The following LPGAT1 variants were observed in gnomAD, a reference collection of about 807,000 sequenced individuals.
LPGAT1 encodes acyl-CoA:lysophosphatidylglycerol acyltransferase 1.
Under a neutral mutation model 47.5 loss-of-function variants are expected in LPGAT1, and 11 were observed. That is an observed-to-expected ratio of 0.23 (90% CI 0.15 to 0.38). The LOEUF (loss-of-function observed/expected upper bound fraction) is 0.38, where lower values mean the gene tolerates loss of function less well. Ranked by LOEUF, LPGAT1 falls within the 10% of genes least tolerant of loss-of-function variation. The pLI, the probability that LPGAT1 is intolerant of heterozygous loss-of-function variation, is 1.00. For missense variants in LPGAT1, 293 were observed against 439.0 expected (o/e 0.67, Z 2.97); for synonymous variants, 138 against 144.2 (o/e 0.96, Z 0.31).
chr1:211,810,477 T>G lies in LPGAT1; in HGVS notation c.239-17287A>C, dbSNP rs529460264. Reference sequence around the variant, plus strand: ...CTGGAATCTTGAATATGCTGTTCCCTGTCATATTCAGCTCTCATGCCCATC... The same window carrying G: ...CTGGAATCTTGAATATGCTGTTCCCGGTCATATTCAGCTCTCATGCCCATC... On this transcript the variant is annotated intron_variant, in intron 2 of 7. Transcript: ENST00000366997. Among the ~76,000 whole-genome samples the G allele has an allele frequency of 1.8e-4, 28 of 152,324 alleles. No individual in the cohort carries two copies. In the South Asian group the frequency reaches 5.6e-3, roughly 30 times the overall value.
chr1:211,785,478 C>T (rs1658836804), intron 4 of LPGAT1, among the ~76,000 whole-genome samples: 1 of 152,030 alleles, frequency 6.6e-6, no homozygotes, highest in East Asian at 1.9e-4. Context: ...AATTTGTAAA[C>T]TTTCCAGAAA....
intron 7 of LPGAT1, among the ~76,000 whole-genome samples, chr1:211,750,372 T>C (rs1326630308): frequency 6.6e-6 from 1 of 152,206 alleles, no homozygotes; most frequent in Non-Finnish European, 1.5e-5. Flanking sequence ...CTTTTTCCAA[T>C]TGGTCATGAT....
At chr1:211,798,909 C>G (rs1437149198) in intron 2 of LPGAT1, among the ~76,000 whole-genome samples, 1 of 151,960 alleles carries the variant, frequency 6.6e-6, no homozygotes, top group Non-Finnish European at 1.5e-5. Context: ...GGAAAAGCAG[C>G]CTTGCAAACA....
At chr1:211,764,013 A>T (rs902316604) in intron 6 of LPGAT1, among the ~76,000 whole-genome samples, 6 of 152,170 alleles carry the variant, frequency 3.9e-5, no homozygotes, top group Non-Finnish European at 7.3e-5. Context: ...CTCTACTAAA[A>T]ATACAAAAAT....
chr1:211,804,244 C>T (rs1659676731), intron 2 of LPGAT1, among the ~76,000 whole-genome samples: 1 of 152,044 alleles, frequency 6.6e-6, no homozygotes, highest in Non-Finnish European at 1.5e-5. Context: ...GAGACAGGGT[C>T]TCGCTTTGTT....
At chr1:211,753,207 C>T (rs1657278701) in intron 6 of LPGAT1, among the ~76,000 whole-genome samples, 1 of 152,216 alleles carries the variant, frequency 6.6e-6, no homozygotes, top group Non-Finnish European at 1.5e-5. Context: ...AACTATACCT[C>T]ATGTCTCTTT....
chr1:211,813,837 T>G (rs12565546), intron 2 of LPGAT1, among the ~76,000 whole-genome samples: 2 of 151,996 alleles, frequency 1.3e-5, no homozygotes, highest in Non-Finnish European at 2.9e-5. Context: ...GTAAGGTACA[T>G]GAAAGAAGAA....
At chr1:211,827,486 G>A (rs1335827713) in intron 2 of LPGAT1, among the ~76,000 whole-genome samples, 1 of 152,082 alleles carries the variant, frequency 6.6e-6, no homozygotes, top group Non-Finnish European at 1.5e-5. Context: ...CTATACACAC[G>A]CACAAACATT....
intron 5 of LPGAT1, among the ~76,000 whole-genome samples, chr1:211,782,677 G>A (rs1658690488): frequency 6.6e-6 from 1 of 151,932 alleles, no homozygotes; most frequent in South Asian, 2.1e-4. Flanking sequence ...CAAGACTACG[G>A]TGAGCTATGA....
chr1:211,768,218 T>C (rs538510351), intron 6 of LPGAT1, among the ~76,000 whole-genome samples: 19 of 152,368 alleles, frequency 1.2e-4, no homozygotes, highest in African/African-American at 4.6e-4. Flanking sequence ...TGGTATGCAT[T>C]TGAAATGTGA....
chr1:211,754,074 C>T (rs926619017), intron 6 of LPGAT1, among the ~76,000 whole-genome samples: 1 of 152,140 alleles, frequency 6.6e-6, no homozygotes, highest in African/African-American at 2.4e-5. Flanking sequence ...CATCACTTCA[C>T]CATGCTGTTT....
intron 2 of LPGAT1, among the ~76,000 whole-genome samples, chr1:211,812,590 T>C (rs1450500729): frequency 1.3e-5 from 2 of 152,164 alleles, no homozygotes; most frequent in Non-Finnish European, 2.9e-5. Flanking sequence ...AAGATATCCA[T>C]GTCAAATCCC....
intron 6 of LPGAT1, among the ~76,000 whole-genome samples, chr1:211,765,427 AAACAGCAATTATCAGTGAGAATTATGTTT>A (rs1478790247): frequency 2.0e-5 from 3 of 152,246 alleles, no homozygotes; most frequent in African/African-American, 7.2e-5. Context: ...AGTAAAAAAT[AAACAGCAATTATCAGTGAGAATTATGTTT>A]AACCATTGTC....
intron 2 of LPGAT1, among the ~76,000 whole-genome samples, chr1:211,799,114 T>A (rs1659468864): frequency 6.6e-6 from 1 of 152,138 alleles, no homozygotes; most frequent in African/African-American, 2.4e-5. Context: ...TATTTTTTTT[T>A]AAGCAAGTAC....
chr1:211,801,482 G>A (rs1417829020), intron 2 of LPGAT1, among the ~76,000 whole-genome samples: 2 of 151,858 alleles, frequency 1.3e-5, no homozygotes, highest in African/African-American at 4.8e-5. Context: ...AGGCCGAGGT[G>A]GGAGGACTGC....
Position 211,815,844 on chromosome 1 carries a change from T to A in LPGAT1, c.238+13215A>T, listed in dbSNP as rs1347520657. Reference sequence around the variant, plus strand: ...CCCAGGCTGGAGTGCAGTGGCACAATCTCGGCTCACTGCAAGTTCCGCCTC... The same window carrying A: ...CCCAGGCTGGAGTGCAGTGGCACAAACTCGGCTCACTGCAAGTTCCGCCTC... On this transcript the variant is annotated intron_variant, in intron 2 of 7. Transcript: ENST00000366997. Among the ~76,000 whole-genome samples, 3 of 139,838 alleles carry A rather than the reference T, an allele frequency of 2.1e-5. 1 individual carries two copies. The highest frequency in any genetic ancestry group is 5.2e-5 in the African/African-American group (2 of 38,662). 91.7% of individuals were successfully genotyped at this position (139,838 alleles called of 152,430 possible).
chr1:211,762,133 A>G (rs989266296), intron 6 of LPGAT1, among the ~76,000 whole-genome samples: 1 of 152,252 alleles, frequency 6.6e-6, no homozygotes, highest in African/African-American at 2.4e-5. Context: ...ATAACTTAGC[A>G]AGGGCCACAG....
chr1:211,820,676 G>C (rs1305248297), intron 2 of LPGAT1, among the ~76,000 whole-genome samples: 2 of 151,934 alleles, frequency 1.3e-5, no homozygotes, highest in African/African-American at 4.8e-5. Context: ...GGTTTAAAAG[G>C]ATTAAAGGAA....
intron 2 of LPGAT1, among the ~76,000 whole-genome samples, chr1:211,826,228 G>A (rs1461238840): frequency 2.0e-5 from 3 of 152,236 alleles, no homozygotes; most frequent in Admixed American, 2.0e-4. Flanking sequence ...AATTTACAGG[G>A]CTCATTTTTG....
Sources: gnomAD v4.1 joint callset for allele counts (sites outside exome capture counted in the v4.1 genomes callset) on GRCh38, gnomAD v4.1.1 for gene constraint, MANE v1.5 for transcripts, NCBI Gene and HGNC (gene_info 2026-07-23, HGNC 2026-07-21) for gene names.